Variants in GNE observed in about 807,000 individuals in gnomAD.
GNE encodes the protein glucosamine (UDP-N-acetyl)-2-epimerase/N-acetylmannosamine kinase.
In GNE, 41 loss-of-function variants were observed where a neutral mutation model predicts 61.8. The ratio of observed to expected loss-of-function variants is 0.66; its 90% CI spans 0.52 to 0.86. The LOEUF (loss-of-function observed/expected upper bound fraction) is 0.86, where lower values mean the gene tolerates loss of function less well. Among genes scored for constraint, GNE ranks in the 40% least tolerant of loss-of-function variants. The probability of loss-of-function intolerance (pLI) is 0.00; values close to 1 mark genes in which losing one functional copy is unlikely to be tolerated. For synonymous variants in GNE, 264 were observed against 326.4 expected (o/e 0.81, Z 2.06); for missense variants, 608 against 909.1 (o/e 0.67, Z 4.26).
rs794727505 is a variant in GNE, at chr9:36,246,181, A to G, written c.466T>C (p.Tyr156His). ...GCACTGCGGGTGCAGCACACATGATAATGAGCCAGTTTTGTTATGGCATGT... is the reference window on the plus strand; with the variant it reads ...GCACTGCGGGTGCAGCACACATGATGATGAGCCAGTTTTGTTATGGCATGT... ...IRHAITKLAHYHVCCTRSAEQ... is the reference protein window; with the variant it reads ...IRHAITKLAHHHVCCTRSAEQ... The change falls in exon 3 of 12, where the codon TAT (tyrosine) becomes CAT (histidine). Residue 156 changes from tyrosine (Y) to histidine (H), a missense_variant. Tyr to His is a moderately conservative substitution (Grantham distance 83, BLOSUM62 2). Transcript: ENST00000642385. 9 of 1,614,260 alleles carry G rather than the reference A, an allele frequency of 5.6e-6. No homozygotes were observed. The South Asian group carries it at 9.9e-5, about 18-fold the overall frequency.
chr9:36,227,342 A>G lies in GNE; in HGVS notation c.1187T>C (p.Ile396Thr). The change falls in exon 7 of 12, where the codon ATC becomes ACC. Residue 396 changes from isoleucine (I) to threonine (T), a missense_variant. By Grantham distance (89) the Ile-to-Thr change is moderately conservative. Transcript: ENST00000642385. ...AAGAATATGGTCAATATCTTGAGAG[A>G]TATTCTCCTTCACAGGAGGAAAGCA... The part of the protein sequence containing the change: ...KFCFPPVKEN[I>T]SQDIDHILET... 1 of 1,611,670 alleles carries G rather than the reference A, an allele frequency of 6.2e-7. No homozygotes were observed. The highest frequency in any genetic ancestry group is 8.5e-7 in the Non-Finnish European group (1 of 1,177,706).
In GNE at chr9:36,219,990, T is replaced by G. The variant is rs200212703; in HGVS notation, c.1664A>C (p.Glu555Ala). Reference sequence around the variant, plus strand: ...ACAGAAGGAGCTTCCGTGGATCAATTCATGCTGATGGATAATTCCACCACC... The same window carrying G: ...ACAGAAGGAGCTTCCGTGGATCAATGCATGCTGATGGATAATTCCACCACC... ...GIGGGIIHQH[E>A]LIHGSSFCAA... The change falls in exon 10 of 12, where the codon GAA becomes GCA. Residue 555 changes from glutamate to alanine, a missense_variant. By Grantham distance (107) the Glu-to-Ala change is moderately radical. Transcript: ENST00000642385. The G allele has an allele frequency of 3.7e-6, 6 of 1,614,088 alleles. No homozygotes were observed. Among genetic ancestry groups the G allele is most frequent in the Non-Finnish European group, 5.1e-6 (6 of 1,179,978 alleles).
At position 36,223,994 on chromosome 9, in the gene GNE, C is replaced by T. The variant is rs527638445; in HGVS notation, c.1282-492G>A. 1.7e-4 allele frequency among the ~76,000 whole-genome samples: 26 copies of T among 152,102 alleles called. No individual in the cohort carries two copies. In the South Asian group the frequency reaches 3.9e-3, roughly 23 times the overall value. On this transcript the variant is annotated intron_variant, in intron 7 of 11. Transcript: ENST00000642385. Reference sequence around the variant, plus strand: ...CTCAAACTCCTGACCTCAAGCAATCCGCCTGCCTCGGCCTCCCAAAGTGCT... The same window carrying T: ...CTCAAACTCCTGACCTCAAGCAATCTGCCTGCCTCGGCCTCCCAAAGTGCT...
Position 36,258,435 on chromosome 9 carries a change from G to C in GNE, c.-157C>G. The C allele has an allele frequency of 1.0e-6, 1 of 985,506 alleles. No individual in the cohort carries two copies. The highest frequency in any genetic ancestry group is 1.2e-6 in the Non-Finnish European group (1 of 829,974). The allele number at this position is 985,506 out of a possible 1,614,324, so 61.0% of individuals were successfully genotyped here. ...CCTGCCCCTCGGTTTCCGCGCTCGG[G>C]CGCGCGGGTAGACGACTCGTCGCTC... On this transcript the variant is annotated 5_prime_UTR_variant, in exon 1 of 12. Transcript: ENST00000642385.
chr9:36,266,935 C>T (rs1170105851), intron 1 of GNE, among the ~76,000 whole-genome samples: 1 of 151,330 alleles, frequency 6.6e-6, no homozygotes, highest in Non-Finnish European at 1.5e-5. Flanking sequence ...GGGTGGTGGC[C>T]CCCGCCTGTA....
chr9:36,257,801 T>TAAAA (rs1563955404), intron 1 of GNE, among the ~76,000 whole-genome samples: 4 of 5,362 alleles, frequency 7.5e-4, no homozygotes, highest in African/African-American at 2.8e-3. Context: ...AGACTCAGTC[T>TAAAA]CAAAAAAAAA....
Position 36,258,319 on chromosome 9 carries a change from A to G in GNE, c.-43+2T>C. The G allele has an allele frequency of 1.0e-6, 1 of 985,216 alleles. No homozygotes were observed. Among genetic ancestry groups the G allele is most frequent in the Non-Finnish European group, 1.2e-6 (1 of 829,826 alleles). 61.0% of individuals were successfully genotyped at this position (985,216 alleles called of 1,614,324 possible). On this transcript the variant is annotated splice_donor_variant, in intron 1 of 11. Coordinates refer to ENST00000642385, the MANE Select transcript of GNE (RefSeq NM_005476.7). LOFTEE classifies it low-confidence loss of function (5UTR_SPLICE). ...AGTCCCACGCCGCCGCGCGGCTCTC[A>G]CCAGACGCCGTCAGAGGCTCCCTCC...
chr9:36,222,235 G>A (rs559352311), intron 9 of GNE, among the ~76,000 whole-genome samples: 18 of 151,954 alleles, frequency 1.2e-4, no homozygotes, highest in South Asian at 6.2e-4. Context: ...CGGCTAAAAC[G>A]GTGAAACCCC....
intron 1 of GNE, among the ~76,000 whole-genome samples, chr9:36,254,690 G>A (rs1282212454): frequency 1.3e-5 from 2 of 152,134 alleles, no homozygotes; most frequent in African/African-American, 4.8e-5. Context: ...AGTGGCTCAC[G>A]CCTGTAATCC....
intron 3 of GNE, among the ~76,000 whole-genome samples, chr9:36,237,515 C>G (rs1454320811): frequency 6.6e-6 from 1 of 152,072 alleles, no homozygotes; most frequent in African/African-American, 2.4e-5. Flanking sequence ...AGGCTGGGAT[C>G]CCAAGGACGG....
intron 1 of GNE, among the ~76,000 whole-genome samples, chr9:36,254,978 A>T (rs1312919794): frequency 6.6e-6 from 1 of 152,064 alleles, no homozygotes; most frequent in Non-Finnish European, 1.5e-5. Flanking sequence ...GGTTTCTCAG[A>T]TTGCCAGTGA....
chr9:36,249,120 A>G (rs1478592739), intron 2 of GNE, 72 bp downstream of exon 2: 1 of 1,206,664 alleles, frequency 8.3e-7, no homozygotes, highest in African/African-American at 1.5e-5. Flanking sequence ...AGCTGGGCCC[A>G]TATGGCTACA....
intron 1 of GNE, among the ~76,000 whole-genome samples, chr9:36,273,532 T>C: frequency 6.6e-6 from 1 of 151,946 alleles, no homozygotes; most frequent in East Asian, 1.9e-4. Context: ...CCATAAACTT[T>C]ACGTGTTTTG....
At chr9:36,263,599 C>A (rs1830678374) in intron 1 of GNE, among the ~76,000 whole-genome samples, 1 of 152,154 alleles carries the variant, frequency 6.6e-6, no homozygotes, top group Non-Finnish European at 1.5e-5. Flanking sequence ...TCTTTAAAAT[C>A]AAGGTCTAAT....
At chr9:36,217,625 G>C in intron 11 of GNE, 25 bp from the exon 12 acceptor site, 1 of 1,456,626 alleles carries the variant, frequency 6.9e-7, no homozygotes, top group Non-Finnish European at 9.6e-7. Context: ...AAATTAAAAT[G>C]AGTTTCTGAG....
At chr9:36,273,361 C>T (rs866380001) in intron 1 of GNE, among the ~76,000 whole-genome samples, 27 of 151,566 alleles carry the variant, frequency 1.8e-4, no homozygotes, top group Non-Finnish European at 3.4e-4. Context: ...GGACTACAGG[C>T]ACCCGCCACC....
chr9:36,250,340 A>G (rs1279592502), intron 1 of GNE, among the ~76,000 whole-genome samples: 2 of 152,230 alleles, frequency 1.3e-5, no homozygotes, highest in East Asian at 3.8e-4. Context: ...CAGTGCCAAC[A>G]AAACTGACAA....
At chr9:36,262,522 A>G (rs1830645131), upstream of GNE, among the ~76,000 whole-genome samples, 1 of 152,164 alleles carries the variant, frequency 6.6e-6, no homozygotes, top group African/African-American at 2.4e-5. Context: ...GTCACTAGTT[A>G]AGTTTGGTTT....
At chr9:36,247,686 G>T (rs1234711119) in intron 2 of GNE, among the ~76,000 whole-genome samples, 2 of 151,930 alleles carry the variant, frequency 1.3e-5, no homozygotes, top group Non-Finnish European at 2.9e-5. Flanking sequence ...TAAAATTTCT[G>T]TTCTACTGAG....
Sources: allele counts gnomAD v4.1 joint callset (sites outside exome capture counted in the v4.1 genomes callset), GRCh38; gene constraint gnomAD v4.1.1; transcripts MANE v1.5; gene names NCBI Gene and HGNC (gene_info 2026-07-23, HGNC 2026-07-21).